The following CCSER2 variants were observed in gnomAD, a reference collection of about 807,000 sequenced individuals.
CCSER2 encodes the protein serine-rich coiled-coil domain-containing protein 2.
In CCSER2, 46 loss-of-function variants were observed where a neutral mutation model predicts 92.3. The ratio of observed to expected loss-of-function variants is 0.50; its 90% CI spans 0.39 to 0.64. The LOEUF is 0.64. CCSER2 is among the 30% of genes least tolerant of loss of function. The pLI is 0.00. For missense variants in CCSER2, 1,244 were observed against 1,238.9 expected, an observed-to-expected ratio of 1.00 and a Z score of -0.06; for synonymous variants, 433 against 431.4, an observed-to-expected ratio of 1.00 and a Z score of -0.04.
intron 9 of CCSER2, among the ~76,000 whole-genome samples, chr10:84,507,101 T>G (rs957721620): frequency 1.3e-5 from 2 of 152,218 alleles, no homozygotes; most frequent in African/African-American, 4.8e-5. Flanking sequence ...AAAGTATAAA[T>G]CTATTTAATG....
rs919043196 is a variant in CCSER2 at position 84,370,900 on chromosome 10, T to C, written c.-39-114T>C. On this transcript the variant is annotated intron_variant, in intron 1 of 9. Coordinates refer to ENST00000372088, the MANE Select transcript of CCSER2 (RefSeq NM_001284240.2). ...TTTGCCAGGAGTTCTGTAGGAATCA[T>C]GAGTAGCTTTTGGGTTTTTCTGCGT... is the stretch of plus-strand genomic sequence containing the variant. 1.4e-4 allele frequency: 67 copies of C among 462,598 alleles called. 1 individual carries two copies. Among genetic ancestry groups the C allele is most frequent in the African/African-American group, 4.0e-5 (2 of 49,546 alleles). 28.7% of individuals were successfully genotyped at this position (462,598 alleles called of 1,614,324 possible).
chr10:84,340,007 A>G (rs1332532360), intron 1 of CCSER2, among the ~76,000 whole-genome samples: 2 of 151,704 alleles, frequency 1.3e-5, no homozygotes, highest in African/African-American at 2.4e-5. Flanking sequence ...ACGCCCGGCT[A>G]ATTTTTTATA....
chr10:84,449,351 G>A (rs1845127464), intron 6 of CCSER2, among the ~76,000 whole-genome samples: 1 of 152,100 alleles, frequency 6.6e-6, no homozygotes, highest in Non-Finnish European at 1.5e-5. Context: ...CTCCAGCCTG[G>A]GCAACAGAGT....
chr10:84,444,217 C>G (rs575217273), intron 6 of CCSER2, among the ~76,000 whole-genome samples: 116 of 152,150 alleles, frequency 7.6e-4, no homozygotes, highest in African/African-American at 2.7e-3. Context: ...TGTCAAGGAC[C>G]TTGTGTGCCA....
At chr10:84,465,474 G>A (rs1227368257) in intron 7 of CCSER2, among the ~76,000 whole-genome samples, 1 of 151,358 alleles carries the variant, frequency 6.6e-6, no homozygotes, top group Non-Finnish European at 1.5e-5. Flanking sequence ...ACAGGCATCT[G>A]CCACCATGCT....
intron 9 of CCSER2, among the ~76,000 whole-genome samples, chr10:84,509,471 C>A (rs1469479252): frequency 1.3e-5 from 2 of 152,180 alleles, no homozygotes; most frequent in African/African-American, 2.4e-5. Context: ...TTACAATTAT[C>A]ATTAAAGATG....
At chr10:84,464,910 G>A (rs145120531) in intron 7 of CCSER2, among the ~76,000 whole-genome samples, 12 of 152,276 alleles carry the variant, frequency 7.9e-5, no homozygotes, top group Non-Finnish European at 1.6e-4. Flanking sequence ...TTATTTGCTC[G>A]TAGGTTGCAG....
chr10:84,472,883 A>G (rs965759096), intron 8 of CCSER2: 1 of 152,186 alleles, frequency 6.6e-6, no homozygotes, highest in Admixed American at 6.5e-5. Flanking sequence ...GTCCATACTA[A>G]GATTTTCTCA....
intron 3 of CCSER2, among the ~76,000 whole-genome samples, chr10:84,410,781 A>G (rs533115614): frequency 3.9e-5 from 6 of 151,990 alleles, no homozygotes; most frequent in Non-Finnish European, 8.8e-5. Flanking sequence ...CCATTTGTCA[A>G]TTTTTGCTTT....
rs1849511752 is a variant in CCSER2 at position 84,514,110 on chromosome 10, C to G, written c.2987C>G (p.Pro996Arg). ...TTCAAACAAAAACAAACAAACAGCC[C>G]CCAACTAGAGCCTCAAAGCTTCCAG... ...GSFKQKQTNS[P>R]QLEPQSFQAK... The change falls in exon 10 of 10, where the codon CCC becomes CGC. Residue 996 changes from proline to arginine, a missense_variant. Pro to Arg is a moderately radical substitution (Grantham distance 103, BLOSUM62 -2). Transcript: ENST00000372088. The G allele has an allele frequency of 1.3e-6, 2 of 1,536,050 alleles. No individual in the cohort carries two copies. Among genetic ancestry groups the G allele is most frequent in the Non-Finnish European group, 1.7e-6 (2 of 1,146,936 alleles).
intron 1 of CCSER2, among the ~76,000 whole-genome samples, chr10:84,362,453 G>A (rs571067000): frequency 6.6e-5 from 10 of 152,270 alleles, no homozygotes; most frequent in African/African-American, 2.4e-4. Flanking sequence ...GGTAAAATTT[G>A]GAGGGAGAAA....
intron 9 of CCSER2, among the ~76,000 whole-genome samples, chr10:84,482,408 A>T (rs1450795306): frequency 6.6e-6 from 1 of 152,208 alleles, no homozygotes; most frequent in East Asian, 1.9e-4. Flanking sequence ...AGAAATCAAG[A>T]TTCATTTTAA....
intron 1 of CCSER2, among the ~76,000 whole-genome samples, chr10:84,331,215 T>C (rs145284460): frequency 6.6e-6 from 1 of 152,318 alleles, no homozygotes; most frequent in East Asian, 1.9e-4. Context: ...CATTGTGTGT[T>C]TTTCACTACT....
chr10:84,346,758 T>A (rs957510853), intron 1 of CCSER2, among the ~76,000 whole-genome samples: 33 of 144,968 alleles, frequency 2.3e-4, no homozygotes, highest in African/African-American at 4.0e-4. Context: ...ATTTCTTTTT[T>A]TTTATATATA....
At position 84,389,485 on chromosome 10, in the gene CCSER2, T is replaced by G. The variant is rs78144606; in HGVS notation, c.1614+15670T>G. 1.6e-3 allele frequency: 498 copies of G among 319,734 alleles called. 2 individuals are homozygous for G. Among genetic ancestry groups the G allele is most frequent in the African/African-American group, 0.01 (452 of 44,956 alleles). 19.8% of individuals were successfully genotyped at this position (319,734 alleles called of 1,614,324 possible). Reference sequence around the variant, plus strand: ...GTCTATTCTGAATAGTCAGTTTCACTGTAATTCTCAGATCCTTCGAGGTAC... The same window carrying G: ...GTCTATTCTGAATAGTCAGTTTCACGGTAATTCTCAGATCCTTCGAGGTAC... On this transcript the variant is annotated intron_variant, in intron 3 of 9. Coordinates refer to ENST00000372088, the MANE Select transcript of CCSER2 (RefSeq NM_001284240.2).
At chr10:84,458,996 T>G (rs577008333) in intron 6 of CCSER2, among the ~76,000 whole-genome samples, 10 of 152,298 alleles carry the variant, frequency 6.6e-5, no homozygotes, top group African/African-American at 2.4e-4. Context: ...TAAATTCATG[T>G]ACTAGTTCTA....
intron 6 of CCSER2, among the ~76,000 whole-genome samples, chr10:84,443,599 C>T (rs1031905831): frequency 6.6e-6 from 1 of 152,138 alleles, no homozygotes; most frequent in Non-Finnish European, 1.5e-5. Flanking sequence ...CCTCAAGGAT[C>T]TAGAACCAGA....
At chr10:84,447,110 T>C (rs1844971468) in intron 6 of CCSER2, among the ~76,000 whole-genome samples, 1 of 152,066 alleles carries the variant, frequency 6.6e-6, no homozygotes, top group Non-Finnish European at 1.5e-5. Flanking sequence ...CTCTGAAGTA[T>C]CTAATTAGAA....
At chr10:84,334,727 G>T (rs928950339) in intron 1 of CCSER2, among the ~76,000 whole-genome samples, 19 of 146,016 alleles carry the variant, frequency 1.3e-4, no homozygotes, top group Non-Finnish European at 1.5e-4. Context: ...ACGTAAGACA[G>T]GGGCTTGTTT....
Sources: allele counts gnomAD v4.1 joint callset (sites outside exome capture counted in the v4.1 genomes callset), GRCh38; gene constraint gnomAD v4.1.1; transcripts MANE v1.5; gene names NCBI Gene and HGNC (gene_info 2026-07-23, HGNC 2026-07-21).